The following CYB5A variants were observed in gnomAD, a reference collection of about 807,000 sequenced individuals.
CYB5A encodes the protein cytochrome b5 type A.
CYB5A carries 10 observed loss-of-function variants against 16.2 expected under a neutral mutation model. The ratio of observed to expected loss-of-function variants is 0.62; its 90% confidence interval spans 0.38 to 1.04. CYB5A has a LOEUF of 1.04. CYB5A is among the 50% of genes least tolerant of loss of function. The pLI is 0.01. For missense variants in CYB5A, 161 were observed against 165.9 expected (o/e 0.97, Z 0.16); for synonymous variants, 62 against 57.0 (o/e 1.09, Z -0.40).
chr18:74,283,051 C>T (rs1599266346), intron 1 of CYB5A, among the ~76,000 whole-genome samples: 1 of 152,124 alleles, frequency 6.6e-6, no homozygotes, highest in East Asian at 1.9e-4. Flanking sequence ...ACTGACTGCC[C>T]AGTGGCCACC....
intron 1 of CYB5A, among the ~76,000 whole-genome samples, chr18:74,276,543 C>CACAT (rs1343791713): frequency 6.6e-6 from 1 of 151,522 alleles, no homozygotes; most frequent in African/African-American, 2.4e-5. Flanking sequence ...CACACACACA[C>CACAT]ACACACACAC....
chr18:74,284,495 G>T (rs907325397), intron 1 of CYB5A, among the ~76,000 whole-genome samples: 10 of 152,128 alleles, frequency 6.6e-5, no homozygotes, highest in Non-Finnish European at 1.5e-4. Context: ...AAGAAGTCTG[G>T]ATATATTTTG....
At chr18:74,273,380 T>C (rs1240627764) in intron 1 of CYB5A, among the ~76,000 whole-genome samples, 4 of 152,254 alleles carry the variant, frequency 2.6e-5, no homozygotes, top group Non-Finnish European at 5.9e-5. Context: ...AAGAAAATAC[T>C]GTTCTTACAA....
chr18:74,276,382 TA>T, intron 1 of CYB5A, among the ~76,000 whole-genome samples: 1 of 152,154 alleles, frequency 6.6e-6, no homozygotes, highest in East Asian at 1.9e-4. Flanking sequence ...AAAGTATCTT[TA>T]AATATAAAAA....
intron 1 of CYB5A, among the ~76,000 whole-genome samples, chr18:74,272,900 C>T (rs71359043): frequency 1.1e-4 from 17 of 152,178 alleles, no homozygotes; most frequent in Non-Finnish European, 1.0e-4. Context: ...CCAGCCTGGG[C>T]GACAAAAGCG....
At chr18:74,289,791 A>C (rs1160535661) in intron 1 of CYB5A, among the ~76,000 whole-genome samples, 1 of 151,436 alleles carries the variant, frequency 6.6e-6, no homozygotes, top group Non-Finnish European at 1.5e-5. Context: ...AAAAAAAAAA[A>C]AAAAAATAGG....
rs1384614922 is a variant in CYB5A at position 74,252,230 on chromosome 18, C to T, written c.*1354G>A. The T allele has an allele frequency of 6.6e-6, 1 of 152,230 alleles. No individual in the cohort carries two copies. Among genetic ancestry groups the T allele is most frequent in the African/African-American group, 2.4e-5 (1 of 41,454 alleles). The allele number at this position is 152,230 out of a possible 1,614,324, so 9.4% of individuals were successfully genotyped here. On this transcript the variant is annotated 3_prime_UTR_variant, in exon 5 of 5. Coordinates refer to ENST00000340533, the MANE Select transcript of CYB5A (RefSeq NM_148923.4). The stretch of plus-strand genomic sequence containing the variant: ...TGAAGAACCTCGTGGTTTGTCAGCT[C>T]ATGCCAGTGCAAATGCAGTCACAGC...
At chr18:74,285,957 G>A (rs1267927874) in intron 1 of CYB5A, among the ~76,000 whole-genome samples, 1 of 152,042 alleles carries the variant, frequency 6.6e-6, no homozygotes, top group African/African-American at 2.4e-5. Context: ...AACATGGAAG[G>A]AAAGAGGATT....
intron 1 of CYB5A, among the ~76,000 whole-genome samples, chr18:74,266,793 G>A (rs1274474814): frequency 6.7e-6 from 1 of 149,242 alleles, no homozygotes; most frequent in East Asian, 2.0e-4. Context: ...GGATTATATT[G>A]GTTTCACTGA....
intron 1 of CYB5A, among the ~76,000 whole-genome samples, chr18:74,283,610 C>G (rs1201854779): frequency 6.6e-6 from 1 of 152,196 alleles, no homozygotes; most frequent in Non-Finnish European, 1.5e-5. Context: ...ATCACAAATT[C>G]CCTTTGCTTT....
At chr18:74,257,117 T>G in intron 3 of CYB5A, 1 of 461,734 alleles carries the variant, frequency 2.2e-6, no homozygotes, top group South Asian at 3.2e-5. Flanking sequence ...ATTGTCAAAC[T>G]AGAAAGTTAA....
At chr18:74,267,095 T>C (rs1568217750) in intron 1 of CYB5A, among the ~76,000 whole-genome samples, 1 of 152,146 alleles carries the variant, frequency 6.6e-6, no homozygotes, top group Admixed American at 6.5e-5. Context: ...AATCATGTTT[T>C]GAAACTTGTC....
chr18:74,258,369 C>T (rs187548640), intron 3 of CYB5A: 2 of 152,302 alleles, frequency 1.3e-5, no homozygotes, highest in Admixed American at 1.3e-4. Context: ...TCTATGTAAG[C>T]AAATGTGATA....
At chr18:74,255,873 T>C in intron 3 of CYB5A, 98 bp from the exon 4 acceptor site, 2 of 924,644 alleles carry the variant, frequency 2.2e-6, no homozygotes, top group South Asian at 1.3e-5. Flanking sequence ...CAATATTTTA[T>C]GCAATGCATT....
intron 1 of CYB5A, among the ~76,000 whole-genome samples, chr18:74,284,779 C>T (rs1229460083): frequency 6.6e-6 from 1 of 152,166 alleles, no homozygotes; most frequent in African/African-American, 2.4e-5. Flanking sequence ...GCCTCCCCAG[C>T]GTCAGTGCTG....
At chr18:74,254,854 A>G (rs1234723606) in intron 4 of CYB5A, among the ~76,000 whole-genome samples, 1 of 152,182 alleles carries the variant, frequency 6.6e-6, no homozygotes, top group Non-Finnish European at 1.5e-5. Flanking sequence ...TTGAATCTTT[A>G]GATTTTGATC....
intron 1 of CYB5A, among the ~76,000 whole-genome samples, chr18:74,267,156 C>T (rs935939294): frequency 4.0e-5 from 6 of 150,920 alleles, no homozygotes; most frequent in Non-Finnish European, 8.9e-5. Flanking sequence ...AATAAGCACA[C>T]ATCACTTTTT....
chr18:74,285,059 T>G (rs1568225212), intron 1 of CYB5A, among the ~76,000 whole-genome samples: 1 of 152,134 alleles, frequency 6.6e-6, no homozygotes, highest in African/African-American at 2.4e-5. Context: ...GGTCCAAGGG[T>G]AATAGGAAAG....
intron 1 of CYB5A, among the ~76,000 whole-genome samples, chr18:74,288,222 T>TC (rs1983390816): frequency 6.6e-6 from 1 of 152,206 alleles, no homozygotes; most frequent in African/African-American, 2.4e-5. Flanking sequence ...TCAACCTGTG[T>TC]TCTTGGCTTG....
Sources: allele counts gnomAD v4.1 joint callset (sites outside exome capture counted in the v4.1 genomes callset), GRCh38; gene constraint gnomAD v4.1.1; transcripts MANE v1.5; gene names NCBI Gene and HGNC (gene_info 2026-07-23, HGNC 2026-07-21).